Variants in CCDC18 observed in about 807,000 individuals in gnomAD.
CCDC18 encodes the protein coiled-coil domain containing 18, also known as coiled-coil domain-containing protein 18.
CCDC18 carries 157 observed loss-of-function variants against 196.0 expected under a neutral mutation model. The observed-to-expected ratio is 0.80, with a 90% CI of 0.70 to 0.91. The LOEUF is 0.91. Ranked by LOEUF, CCDC18 falls within the 40% of genes least tolerant of loss-of-function variation. The probability of loss-of-function intolerance (pLI) is 0.00; values close to 1 mark genes in which losing one functional copy is unlikely to be tolerated. For synonymous variants in CCDC18, 482 were observed against 529.2 expected, an observed-to-expected ratio of 0.91 and a Z score of 1.22; for missense variants, 1,465 against 1,611.6, an observed-to-expected ratio of 0.91 and a Z score of 1.56.
At chr1:93,204,219 C>A (rs569488950) in intron 7 of CCDC18, among the ~76,000 whole-genome samples, 1 of 151,362 alleles carries the variant, frequency 6.6e-6, no homozygotes, top group African/African-American at 2.4e-5. Context: ...AGATGATAGT[C>A]CAAGAGCAGA....
At chr1:93,239,625 C>A in intron 20 of CCDC18, 58 bp from the exon 21 acceptor site, 1 of 1,378,286 alleles carries the variant, frequency 7.3e-7, no homozygotes, top group Non-Finnish European at 1.0e-6. Flanking sequence ...TTAATATATA[C>A]AAAGTTTGTA....
At chr1:93,204,388 AAGGAGGAT>A (rs1226332764) in intron 7 of CCDC18, among the ~76,000 whole-genome samples, 1 of 152,164 alleles carries the variant, frequency 6.6e-6, no homozygotes, top group Non-Finnish European at 1.5e-5. Flanking sequence ...TTCATAGCGT[AAGGAGGAT>A]AGGAGGGATT....
At chr1:93,245,826 T>C (rs1661429590) in intron 21 of CCDC18, among the ~76,000 whole-genome samples, 1 of 152,140 alleles carries the variant, frequency 6.6e-6, no homozygotes, top group Non-Finnish European at 1.5e-5. Flanking sequence ...CATTCAATCT[T>C]GGAGTCCTGG....
chr1:93,245,040 G>A (rs1661309980), intron 21 of CCDC18, among the ~76,000 whole-genome samples: 1 of 152,076 alleles, frequency 6.6e-6, no homozygotes, highest in African/African-American at 2.4e-5. Context: ...TCTTACTTAG[G>A]TGTCTGTCTT....
At chr1:93,239,175 T>C (rs1660434846) in intron 19 of CCDC18, 135 bp from the exon 20 acceptor site, 5 of 616,250 alleles carry the variant, frequency 8.1e-6, no homozygotes, top group Middle Eastern at 4.7e-4. Flanking sequence ...TTTTTAAAAA[T>C]AGGTGATTTA....
chr1:93,183,336 C>A (rs762839094), intron 1 of CCDC18, 24 bp from the exon 2 acceptor site: 4 of 1,487,018 alleles, frequency 2.7e-6, no homozygotes, highest in Admixed American at 2.0e-5. Flanking sequence ...AGACAAGGTA[C>A]AAGAAATTCA....
intron 25 of CCDC18, among the ~76,000 whole-genome samples, chr1:93,257,255 A>C (rs5023290): frequency 0.088 from 13,009 of 147,036 alleles, 939 homozygotes; most frequent in East Asian, 0.26. Context: ...AAAAAAAAAA[A>C]AAAACATGAA....
chr1:93,190,676 CTT>C (rs199651874), intron 4 of CCDC18: 5,102 of 299,408 alleles, frequency 0.017, no homozygotes, highest in South Asian at 0.029. Flanking sequence ...TTTTCTTTCC[CTT>C]TTTTTTTTTT....
chr1:93,187,592 T>C (rs536459343), intron 4 of CCDC18, among the ~76,000 whole-genome samples: 58 of 152,270 alleles, frequency 3.8e-4, no homozygotes, highest in Admixed American at 1.5e-3. Flanking sequence ...ACATTATATG[T>C]AGTTTTAAAT....
intron 23 of CCDC18, among the ~76,000 whole-genome samples, chr1:93,248,783 G>A (rs1323165812): frequency 6.6e-6 from 1 of 152,068 alleles, no homozygotes; most frequent in Non-Finnish European, 1.5e-5. Flanking sequence ...GACCAGCCTA[G>A]ACAACCTGGA....
chr1:93,234,813 T>G (rs1659791944), intron 18 of CCDC18, among the ~76,000 whole-genome samples: 2 of 120,866 alleles, frequency 1.7e-5, no homozygotes, highest in Admixed American at 1.7e-4. Context: ...GACCGGGTCT[T>G]ACTTTGTCAC....
chr1:93,273,800 A>G (rs751475745), intron 28 of CCDC18, among the ~76,000 whole-genome samples: 19 of 152,224 alleles, frequency 1.2e-4, no homozygotes, highest in Non-Finnish European at 2.5e-4. Flanking sequence ...GATAAATTTG[A>G]TAAGTACAGT....
At chr1:93,262,638 T>A (rs1281059015) in intron 26 of CCDC18, among the ~76,000 whole-genome samples, 1 of 152,214 alleles carries the variant, frequency 6.6e-6, no homozygotes, top group East Asian at 1.9e-4. Flanking sequence ...ACAGCCCCTG[T>A]GGCTGTTTTC....
intron 28 of CCDC18, among the ~76,000 whole-genome samples, chr1:93,276,583 G>A (rs1202050510): frequency 6.6e-6 from 1 of 151,970 alleles, no homozygotes; most frequent in Non-Finnish European, 1.5e-5. Flanking sequence ...ATTAGCTATA[G>A]GGAAAACAAA....
chr1:93,199,495 C>T (rs1332054268), intron 6 of CCDC18, among the ~76,000 whole-genome samples: 1 of 152,202 alleles, frequency 6.6e-6, no homozygotes, highest in East Asian at 1.9e-4. Context: ...AGCCCTGGCT[C>T]GGGAAGCTCA....
chr1:93,183,813 AG>A (rs1650163228), intron 2 of CCDC18, among the ~76,000 whole-genome samples, 164 bp from the exon 3 acceptor site: 2 of 152,038 alleles, frequency 1.3e-5, no homozygotes, highest in South Asian at 4.1e-4. Context: ...CTAGTTTAAA[AG>A]TAATTATGAT....
intron 26 of CCDC18, among the ~76,000 whole-genome samples, chr1:93,261,377 A>G (rs1050544206): frequency 6.6e-6 from 1 of 152,162 alleles, no homozygotes; most frequent in Non-Finnish European, 1.5e-5. Context: ...TTTTCAATGC[A>G]TAGCCAATTT....
chr1:93,193,227 T>A (rs1402468583), intron 5 of CCDC18, among the ~76,000 whole-genome samples: 1 of 152,178 alleles, frequency 6.6e-6, no homozygotes, highest in African/African-American at 2.4e-5. Context: ...ATTTTGTCTT[T>A]CCTTTTCAGC....
chr1:93,198,663 A>G (rs1042567455), intron 6 of CCDC18, among the ~76,000 whole-genome samples: 20 of 152,094 alleles, frequency 1.3e-4, no homozygotes, highest in African/African-American at 4.8e-4. Flanking sequence ...ATTTTTTTTT[A>G]AAGAAATATG....
Sources: allele counts gnomAD v4.1 joint callset (sites outside exome capture counted in the v4.1 genomes callset), GRCh38; gene constraint gnomAD v4.1.1; transcripts MANE v1.5; gene names NCBI Gene and HGNC (gene_info 2026-07-23, HGNC 2026-07-21).